The following CELF2 variants were observed in gnomAD, a reference collection of about 807,000 sequenced individuals.
The protein encoded by CELF2 is CUG triplet repeat RNA-binding protein 2.
A neutral mutation model predicts 62.6 loss-of-function variants in CELF2; 8 were observed. The observed-to-expected ratio is 0.13, with a 90% CI of 0.07 to 0.23. CELF2 has a LOEUF of 0.23. Among genes scored for constraint, CELF2 ranks in the 10% least tolerant of loss-of-function variants. The pLI is 1.00. For missense variants in CELF2, 333 were observed against 671.0 expected (o/e 0.50, Z 5.56); for synonymous variants, 258 against 250.0 (o/e 1.03, Z -0.30).
chr10:11,275,731 G>A (rs917448862), intron 8 of CELF2, among the ~76,000 whole-genome samples: 3 of 152,274 alleles, frequency 2.0e-5, no homozygotes, highest in African/African-American at 7.2e-5. Flanking sequence ...AAGCCAGCTC[G>A]TTGAAGGATT....
the CELF2 span, among the ~76,000 whole-genome samples, chr10:10,692,384 C>A: frequency 6.6e-6 from 1 of 150,902 alleles, no homozygotes. Flanking sequence ...GTTTTGGTAC[C>A]AGTGCCATGC....
At chr10:11,229,831 C>G (rs948972522) in intron 3 of CELF2, among the ~76,000 whole-genome samples, 1 of 152,140 alleles carries the variant, frequency 6.6e-6, no homozygotes, top group Non-Finnish European at 1.5e-5. Context: ...CTCAAGTGAT[C>G]CACCCACCTC....
the CELF2 span, among the ~76,000 whole-genome samples, chr10:10,649,289 A>G: frequency 3.9e-5 from 6 of 152,220 alleles, no homozygotes; most frequent in Non-Finnish European, 7.3e-5. Context: ...GGGTAAAAAC[A>G]TAGGTCCTTT....
At chr10:10,792,187 A>T in the CELF2 span, among the ~76,000 whole-genome samples, 6 of 152,164 alleles carry the variant, frequency 3.9e-5, no homozygotes, top group Non-Finnish European at 7.3e-5. Flanking sequence ...ATTGCTCAAC[A>T]AATGCTTTCT....
chr10:11,038,174 C>T (rs1449273220), intron 1 of CELF2, among the ~76,000 whole-genome samples: 1 of 152,160 alleles, frequency 6.6e-6, no homozygotes, highest in African/African-American at 2.4e-5. Context: ...TCGGAGAGGA[C>T]CCAGCCACAC....
Position 11,321,814 on chromosome 10 carries a change from T to A in CELF2, c.1294+428T>A, listed in dbSNP as rs1383608536. On this transcript the variant is annotated intron_variant, in intron 11 of 12. Transcript: ENST00000633077. The surrounding 1 kb of genome is among the most constrained non-coding windows in gnomAD (Gnocchi z 6.2). ...AGTTCTTGTCCATTGTATATTTATA[T>A]ACCACTCTGGCTTTGTTGATAAATA... 6.6e-6 allele frequency among the ~76,000 whole-genome samples: 1 copy of A among 152,250 alleles called. No individual in the cohort carries two copies. Among genetic ancestry groups the A allele is most frequent in the Non-Finnish European group, 1.5e-5 (1 of 68,052 alleles).
At chr10:11,026,377 T>TC (rs1233244369) in intron 1 of CELF2, among the ~76,000 whole-genome samples, 5 of 151,970 alleles carry the variant, frequency 3.3e-5, no homozygotes, top group East Asian at 1.9e-4. Flanking sequence ...CCTACCCGCC[T>TC]CCCCCGCCAC....
the CELF2 span, among the ~76,000 whole-genome samples, chr10:10,490,340 G>A: frequency 6.6e-6 from 1 of 152,132 alleles, no homozygotes; most frequent in African/African-American, 2.4e-5. Flanking sequence ...TTATCACATG[G>A]CATCTGCCAA....
the CELF2 span, among the ~76,000 whole-genome samples, chr10:10,491,395 T>A: frequency 6.6e-6 from 1 of 152,212 alleles, no homozygotes; most frequent in East Asian, 1.9e-4. Context: ...AGAAATAGTT[T>A]TGAATTCATT....
chr10:11,258,181 A>G (rs1467903190), intron 5 of CELF2, among the ~76,000 whole-genome samples: 1 of 152,174 alleles, frequency 6.6e-6, no homozygotes, highest in African/African-American at 2.4e-5. Flanking sequence ...GGGAGGTGCA[A>G]GAAGGAGAAG....
At chr10:11,233,411 C>G (rs533957152) in intron 3 of CELF2, among the ~76,000 whole-genome samples, 1 of 152,168 alleles carries the variant, frequency 6.6e-6, no homozygotes, top group Non-Finnish European at 1.5e-5. Context: ...TTTCTTCTCA[C>G]GCCGCGTGAT....
intron 8 of CELF2, among the ~76,000 whole-genome samples, chr10:11,275,800 C>T (rs763794572): frequency 2.0e-5 from 3 of 152,208 alleles, no homozygotes; most frequent in Non-Finnish European, 4.4e-5. Flanking sequence ...CGAAAGGTCA[C>T]TCCTGCCGTG....
intron 1 of CELF2, among the ~76,000 whole-genome samples, chr10:11,018,455 G>T (rs2057697523): frequency 6.6e-6 from 1 of 151,372 alleles, no homozygotes; most frequent in African/African-American, 2.4e-5. Flanking sequence ...GGCCGAGCGC[G>T]GCGTCCCGGG....
At chr10:10,876,856 G>C (rs543278339) in intron 1 of CELF2, among the ~76,000 whole-genome samples, 2 of 152,348 alleles carry the variant, frequency 1.3e-5, no homozygotes, top group African/African-American at 4.8e-5. Flanking sequence ...TTGTGCACAT[G>C]CAATGTGTGT....
At chr10:10,575,473 A>G in the CELF2 span, among the ~76,000 whole-genome samples, 1 of 152,192 alleles carries the variant, frequency 6.6e-6, no homozygotes, top group Non-Finnish European at 1.5e-5. Flanking sequence ...CCTAATCCAG[A>G]CAGGTTTTTC....
chr10:10,886,705 G>A (rs116465764), intron 1 of CELF2, among the ~76,000 whole-genome samples: 303 of 152,282 alleles, frequency 2.0e-3, no homozygotes, highest in African/African-American at 7.0e-3. Context: ...GCATGTGGGT[G>A]CATGCCCGTG....
upstream of CELF2, among the ~76,000 whole-genome samples, chr10:11,002,534 G>C (rs1022083435): frequency 6.6e-6 from 1 of 152,152 alleles, no homozygotes; most frequent in South Asian, 2.1e-4. The surrounding 1 kb of genome is among the most constrained non-coding windows in gnomAD (Gnocchi z 4.4). Flanking sequence ...CGTAGAAAGG[G>C]GCAGGCCCAG....
chr10:11,281,197 G>A (rs2088553898), intron 8 of CELF2, among the ~76,000 whole-genome samples: 1 of 151,320 alleles, frequency 6.6e-6, no homozygotes, highest in Admixed American at 6.6e-5. Context: ...AAGTTCTTCA[G>A]CTTTTTAGGA....
the CELF2 span, among the ~76,000 whole-genome samples, chr10:10,747,997 C>A: frequency 6.6e-6 from 1 of 152,150 alleles, no homozygotes; most frequent in East Asian, 1.9e-4. Flanking sequence ...ACTGCATGTT[C>A]TCACCCATAG....
Sources: allele counts gnomAD v4.1 joint callset (sites outside exome capture counted in the v4.1 genomes callset), GRCh38; gene constraint gnomAD v4.1.1; non-coding constraint Gnocchi (gnomAD v3.1); transcripts MANE v1.5; gene names NCBI Gene and HGNC (gene_info 2026-07-23, HGNC 2026-07-21).